Variants in MOV10 observed in about 807,000 individuals in gnomAD.
The protein encoded by MOV10 is RNA helicase MOV-10.
A neutral mutation model predicts 108.4 loss-of-function variants in MOV10; 39 were observed. That is an observed-to-expected ratio of 0.36 (90% CI 0.28 to 0.47). MOV10 has a LOEUF of 0.47. Among genes scored for constraint, MOV10 ranks in the 20% least tolerant of loss-of-function variants. MOV10 has a pLI of 1.00. For missense variants in MOV10, 952 were observed against 1,297.6 expected (o/e 0.73, Z 4.09); for synonymous variants, 490 against 523.1 (o/e 0.94, Z 0.86).
intron 6 of MOV10, among the ~76,000 whole-genome samples, 196 bp downstream of exon 6, chr1:112,691,995 A>G (rs1466014947): frequency 6.6e-6 from 1 of 152,170 alleles, no homozygotes; most frequent in Non-Finnish European, 1.5e-5. Flanking sequence ...GGGGACAATG[A>G]GCATTTTTGT....
rs139801541 is a variant in MOV10 at position 112,682,660 on chromosome 1, A to G, written c.138-6275A>G. Among the ~76,000 whole-genome samples the G allele has an allele frequency of 1.1e-3, 165 of 152,324 alleles. 2 individuals carry two copies. The East Asian group carries it at 0.014, about 13-fold the overall frequency. ...TCCTCACTCTTACTCACCCAGAAGC[A>G]ACCACTGCTCTGATTTTTTCATGAC... On this transcript the variant is annotated intron_variant, in intron 2 of 20. Transcript: ENST00000369645.
chr1:112,684,705 A>G (rs1458580387), intron 2 of MOV10, among the ~76,000 whole-genome samples: 2 of 152,254 alleles, frequency 1.3e-5, no homozygotes, highest in East Asian at 3.8e-4. Flanking sequence ...TTATAGTAAT[A>G]TATGCTAGAA....
chr1:112,689,837 C>T lies in MOV10; in HGVS notation c.578-3C>T. ...CCCCATTCACTCATCCATTCTCCTCCAGGTGAATGCTATGAACTCCATGTC... is the reference window on the plus strand; with the variant it reads ...CCCCATTCACTCATCCATTCTCCTCTAGGTGAATGCTATGAACTCCATGTC... On this transcript the variant is annotated splice_polypyrimidine_tract_variant and splice_region_variant and intron_variant, in intron 4 of 20. Transcript: ENST00000369645. 1 of 1,613,236 alleles carries T rather than the reference C, an allele frequency of 6.2e-7. No individual in the cohort carries two copies.
chr1:112,692,664 A>C lies in MOV10; in HGVS notation c.972-97A>C, dbSNP rs927047814. ...CTCTGCTTTTTGACGCTAGTTCCAG[A>C]GCTTCAGGTGGGAGAAGGTGGATAC... is the stretch of plus-strand genomic sequence containing the variant. On this transcript the variant is annotated intron_variant, in intron 6 of 20. Coordinates refer to ENST00000369645, the MANE Select transcript of MOV10 (RefSeq NM_001321324.2). The C allele has an allele frequency of 4.1e-6, 6 of 1,479,214 alleles. No homozygotes were observed. The East Asian group carries it at 1.2e-4, about 29-fold the overall frequency. 91.6% of individuals were successfully genotyped at this position (1,479,214 alleles called of 1,614,324 possible).
chr1:112,686,919 C>G (rs1673120574), intron 2 of MOV10: 1 of 456,382 alleles, frequency 2.2e-6, no homozygotes, highest in Admixed American at 2.4e-5. Context: ...TATCTTTTAA[C>G]TGGACAATTG....
At chr1:112,690,693 A>G (rs941416833) in intron 5 of MOV10, among the ~76,000 whole-genome samples, 2 of 152,180 alleles carry the variant, frequency 1.3e-5, no homozygotes, top group African/African-American at 4.8e-5. Context: ...CTGTATTGAG[A>G]TAATTCACAT....
Position 112,675,181 on chromosome 1 carries a change from G to C in MOV10, c.137+132G>C, listed in dbSNP as rs1672087233. The C allele has an allele frequency of 9.5e-7, 1 of 1,050,098 alleles. No individual in the cohort carries two copies. Among genetic ancestry groups the C allele is most frequent in the Admixed American group, 4.1e-5 (1 of 24,538 alleles). The allele number at this position is 1,050,098 out of a possible 1,614,324, so 65.0% of individuals were successfully genotyped here. A position where few individuals can be genotyped will look rare whatever the true frequency, so the allele number is the denominator to read the frequency against. On this transcript the variant is annotated intron_variant, in intron 2 of 20. Transcript: ENST00000369645. This position sits in a 1 kb window ranked among gnomAD's most constrained non-coding sequence, Gnocchi z 4.7. ...CCCCAGCGGCTCAGGCCAGTCCCGG[G>C]GCGGCGCAGACCTCCCCTCCCGCGC...
chr1:112,694,611 C>A lies in MOV10; in HGVS notation c.1454C>A (p.Pro485His). 6.2e-7 allele frequency: 1 copy of A among 1,605,502 alleles called. No individual in the cohort carries two copies. Among genetic ancestry groups the A allele is most frequent in the African/African-American group, 1.3e-5 (1 of 74,940 alleles). ...PVAPRDVPLL[P>H]SDVKLKLYDR... The stretch of plus-strand genomic sequence containing the variant: ...GCACCTCGGGACGTCCCGCTGCTGC[C>A]CTCAGATGTGAAACTCAAGTGAGAC... The change falls in exon 9 of 21, where the codon CCC (proline) becomes CAC (histidine). Residue 485 changes from proline (P) to histidine (H), a missense_variant. By Grantham distance (77) the Pro-to-His change is moderately conservative. Coordinates refer to ENST00000369645, the MANE Select transcript of MOV10 (RefSeq NM_001321324.2). This position sits in a 1 kb window ranked among gnomAD's most constrained non-coding sequence, Gnocchi z 4.1.
At chr1:112,687,431 T>A (rs1673162937) in intron 2 of MOV10, among the ~76,000 whole-genome samples, 1 of 152,234 alleles carries the variant, frequency 6.6e-6, no homozygotes, top group Non-Finnish European at 1.5e-5. Flanking sequence ...ACCATAGTCC[T>A]CATAAACAAA....
At chr1:112,676,686 G>GT (rs910782066) in intron 2 of MOV10, among the ~76,000 whole-genome samples, 9 of 152,168 alleles carry the variant, frequency 5.9e-5, no homozygotes, top group African/African-American at 1.9e-4. Context: ...GCAGACCAAG[G>GT]ACTTGTACAT....
intron 2 of MOV10, among the ~76,000 whole-genome samples, chr1:112,677,975 A>G (rs1314934788): frequency 2.6e-5 from 4 of 152,124 alleles, no homozygotes; most frequent in Non-Finnish European, 4.4e-5. Context: ...CTTGCCTCCA[A>G]AGAATATAAT....
Position 112,675,049 on chromosome 1 carries a change from G to C in MOV10, c.137G>C (p.Ser46Thr). 1 of 1,594,154 alleles carries C rather than the reference G, an allele frequency of 6.3e-7. No homozygotes were observed. Among genetic ancestry groups the C allele is most frequent in the Non-Finnish European group, 8.5e-7 (1 of 1,171,030 alleles). Residue 46 changes from serine (S) to threonine (T), a missense_variant and splice_region_variant, in exon 2 of 21, where the codon AGC becomes ACC. By Grantham distance (58) the Ser-to-Thr change is moderately conservative. Around this residue, in one of 5 missense-constraint regions of MOV10, gnomAD observed 374 missense variants for 468.6 expected, o/e 0.80. Transcript: ENST00000369645. The surrounding 1 kb of genome is among the most constrained non-coding windows in gnomAD (Gnocchi z 4.7). Reference protein sequence around the residue: ...RTIYNRDFKISFGTPAPGFSS... With the variant: ...RTIYNRDFKITFGTPAPGFSS... ...ATTTATAACCGCGACTTCAAGATCA[G>C]GTACGGGCCGGCCCACTCCCGGCCC...
Position 112,694,866 on chromosome 1 carries a change from G to A in MOV10, c.1590G>A (p.Lys530=), listed in dbSNP as rs1673925451. 3 of 1,614,056 alleles carry A rather than the reference G, an allele frequency of 1.9e-6. No individual in the cohort carries two copies. The highest frequency in any genetic ancestry group is 2.5e-6 in the Non-Finnish European group (3 of 1,179,950). Reference sequence around the variant, plus strand: ...TCTTTGGGCCTCCAGGCACCGGCAAGACTGTCACGTTAGTGGAGGCAATTA... The same window carrying A: ...TCTTTGGGCCTCCAGGCACCGGCAAAACTGTCACGTTAGTGGAGGCAATTA... ...YIIFGPPGTG[K]TVTLVEAIKQ... is the part of the protein sequence containing the mutation. The change falls in exon 10 of 21, where the codon AAG becomes AAA. Residue 530 remains lysine (K), a synonymous_variant. Coordinates refer to ENST00000369645, the MANE Select transcript of MOV10 (RefSeq NM_001321324.2). This position sits in a 1 kb window ranked among gnomAD's most constrained non-coding sequence, Gnocchi z 4.1.
At chr1:112,685,607 A>C (rs1165739842) in intron 2 of MOV10, among the ~76,000 whole-genome samples, 1 of 151,242 alleles carries the variant, frequency 6.6e-6, no homozygotes, top group African/African-American at 2.4e-5. Context: ...GTGAGCCAAG[A>C]TCGTGCCACT....
Position 112,697,865 on chromosome 1 carries a change from G to A in MOV10, c.2199-129G>A. ...CTGGCAGCAGATATTATGGAGGAGT[G>A]TCCTGCTATCCAGGGAGCCAGCGGG... On this transcript the variant is annotated intron_variant, in intron 14 of 20. Coordinates refer to ENST00000369645, the MANE Select transcript of MOV10 (RefSeq NM_001321324.2). 8 of 735,302 alleles carry A rather than the reference G, an allele frequency of 1.1e-5. No individual in the cohort carries two copies. The South Asian group carries it at 1.1e-4, about 10-fold the overall frequency. 45.5% of individuals were successfully genotyped at this position (735,302 alleles called of 1,614,324 possible). A position where few individuals can be genotyped will look rare whatever the true frequency, so the allele number is the denominator to read the frequency against.
chr1:112,689,970 CTTCTTGGCTGCCGT>C lies in MOV10; in HGVS notation c.709_722del (p.Phe237ArgfsTer37). 1 of 1,614,148 alleles carries C rather than the reference CTTCTTGGCTGCCGT, an allele frequency of 6.2e-7. No individual in the cohort carries two copies. The highest frequency in any genetic ancestry group is 8.5e-7 in the Non-Finnish European group (1 of 1,180,040). On this transcript the variant is annotated frameshift_variant, in exon 5 of 21. Coordinates refer to ENST00000369645, the MANE Select transcript of MOV10 (RefSeq NM_001321324.2). LOFTEE classifies it high-confidence loss of function. ...GAGCCGGCACATTCTACATTGCCCG[CTTCTTGGCTGCCGT>C]CGCCCACAGCCCCCTGGCTGCACAG...
Position 112,689,904 on chromosome 1 carries a change from G to A in MOV10, c.642G>A (p.Val214=). The part of the protein sequence containing the change: ...TSFVGYFPAT[V]LWELLGPGES... Reference sequence around the variant, plus strand: ...TTGTGGGCTACTTCCCAGCCACAGTGCTCTGGGAGCTGCTGGGACCTGGGG... The same window carrying A: ...TTGTGGGCTACTTCCCAGCCACAGTACTCTGGGAGCTGCTGGGACCTGGGG... Residue 214 remains valine (V), a synonymous_variant, in exon 5 of 21, where the codon GTG becomes GTA. Coordinates refer to ENST00000369645, the MANE Select transcript of MOV10 (RefSeq NM_001321324.2). 1 of 1,614,200 alleles carries A rather than the reference G, an allele frequency of 6.2e-7. No individual in the cohort carries two copies. Among genetic ancestry groups the A allele is most frequent in the Non-Finnish European group, 8.5e-7 (1 of 1,180,022 alleles).
chr1:112,678,577 A>G lies in MOV10; in HGVS notation c.137+3528A>G, dbSNP rs573401949. The stretch of plus-strand genomic sequence containing the variant: ...CTAGACTAGATCAAGAAACTTAGGC[A>G]GAGGTTTCTTGGGGAAAGTGATATT... On this transcript the variant is annotated intron_variant, in intron 2 of 20. Coordinates refer to ENST00000369645, the MANE Select transcript of MOV10 (RefSeq NM_001321324.2). Among the ~76,000 whole-genome samples, 4 of 152,178 alleles carry G rather than the reference A, an allele frequency of 2.6e-5. No individual in the cohort carries two copies. The East Asian group carries it at 7.7e-4, about 29-fold the overall frequency.
rs1672036107 is a variant in MOV10 at position 112,674,706 on chromosome 1, G to A, written c.-89G>A. 2 of 504,548 alleles carry A rather than the reference G, an allele frequency of 4.0e-6. No individual in the cohort carries two copies. Among genetic ancestry groups the A allele is most frequent in the Non-Finnish European group, 6.9e-6 (2 of 290,846 alleles). 31.3% of individuals were successfully genotyped at this position (504,548 alleles called of 1,614,324 possible). A position where few individuals can be genotyped will look rare whatever the true frequency, so the allele number is the denominator to read the frequency against. ...TGCGAAGAGGGGGAGGGGATAGGAC[G>A]AAGAAACCGAAGGGAAAGCTCAGGT... On this transcript the variant is annotated 5_prime_UTR_variant, in exon 1 of 21. Transcript: ENST00000369645.
Sources: allele counts gnomAD v4.1 joint callset (sites outside exome capture counted in the v4.1 genomes callset), GRCh38; gene constraint gnomAD v4.1.1; regional missense constraint gnomAD v4.1.1; non-coding constraint Gnocchi (gnomAD v3.1); transcripts MANE v1.5; gene names NCBI Gene and HGNC (gene_info 2026-07-23, HGNC 2026-07-21).